VPS13B: variants seen among roughly 807,000 people sequenced by gnomAD.
VPS13B encodes vacuolar protein sorting 13 homolog B, also known as intermembrane lipid transfer protein VPS13B.
A neutral mutation model predicts 426.4 loss-of-function variants in VPS13B; 285 were observed. The ratio of observed to expected loss-of-function variants is 0.67; its 90% CI spans 0.61 to 0.74. The LOEUF (loss-of-function observed/expected upper bound fraction) is 0.74, where lower values mean the gene tolerates loss of function less well. Ranked by LOEUF, VPS13B falls within the 30% of genes least tolerant of loss-of-function variation. The pLI, the probability that VPS13B is intolerant of heterozygous loss-of-function variation, is 0.00. For synonymous variants in VPS13B, 1,676 were observed against 1,676.4 expected (o/e 1.00, Z 0.01); for missense variants, 4,537 against 4,782.6 (o/e 0.95, Z 1.51).
intron 51 of VPS13B, among the ~76,000 whole-genome samples, chr8:99,831,076 CT>C (rs773817774): frequency 1.5e-3 from 174 of 119,980 alleles, no homozygotes; most frequent in Admixed American, 1.3e-3. Flanking sequence ...GTGTTTTTTT[CT>C]TTTTTTTTTT....
rs1393654667 is a variant in VPS13B, at chr8:99,856,402, T to C, written c.10867+2146T>C. Among the ~76,000 whole-genome samples, 4 of 152,170 alleles carry C rather than the reference T, an allele frequency of 2.6e-5. No homozygotes were observed. In the East Asian group the frequency reaches 7.7e-4, roughly 29 times the overall value. On this transcript the variant is annotated intron_variant, in intron 56 of 61. Transcript: ENST00000357162. ...CTCCAGACTCCCAGGTTAGCATCCTTGTCGAGGGAAGGGAGAGAGCTGGCT... is the reference window on the plus strand; with the variant it reads ...CTCCAGACTCCCAGGTTAGCATCCTCGTCGAGGGAAGGGAGAGAGCTGGCT...
chr8:99,028,813 C>T (rs1419055694), intron 2 of VPS13B, among the ~76,000 whole-genome samples: 8 of 94,138 alleles, frequency 8.5e-5, no homozygotes, highest in Non-Finnish European at 1.1e-4. Context: ...GAGCCCCTCA[C>T]CTCCCAGATG....
At chr8:99,040,378 C>A (rs1842919260) in intron 3 of VPS13B, among the ~76,000 whole-genome samples, 1 of 152,212 alleles carries the variant, frequency 6.6e-6, no homozygotes, top group South Asian at 2.1e-4. Context: ...TGAATGTAAA[C>A]CACTCTCAAA....
chr8:99,779,974 A>G (rs1811932266), intron 42 of VPS13B, among the ~76,000 whole-genome samples: 1 of 152,196 alleles, frequency 6.6e-6, no homozygotes, highest in South Asian at 2.1e-4. Context: ...TCTCTAACTT[A>G]AGAATTTGTA....
At chr8:99,706,784 G>A (rs1420191839) in intron 36 of VPS13B, among the ~76,000 whole-genome samples, 2 of 152,060 alleles carry the variant, frequency 1.3e-5, no homozygotes, top group African/African-American at 2.4e-5. Flanking sequence ...CCCCTATTAG[G>A]TTAGTATTAA....
Position 99,628,047 on chromosome 8 carries a change from A to G in VPS13B, c.5221-13764A>G, listed in dbSNP as rs1490404894. 2.0e-5 allele frequency among the ~76,000 whole-genome samples: 3 copies of G among 152,214 alleles called. No homozygotes were observed. In the East Asian group the frequency reaches 5.8e-4, roughly 29 times the overall value. On this transcript the variant is annotated intron_variant, in intron 33 of 61. Coordinates refer to ENST00000357162, the MANE Select transcript of VPS13B (RefSeq NM_152564.5). ...GAACCTCCTCCAGCTCTAACAAGTCATGATTCTGATGCATTGAATTTAGAA... is the reference window on the plus strand; with the variant it reads ...GAACCTCCTCCAGCTCTAACAAGTCGTGATTCTGATGCATTGAATTTAGAA...
intron 2 of VPS13B, among the ~76,000 whole-genome samples, chr8:99,029,588 A>G (rs1283940683): frequency 1.3e-5 from 2 of 152,080 alleles, no homozygotes; most frequent in Non-Finnish European, 2.9e-5. Flanking sequence ...CCCGGCCAAC[A>G]CAGCAAAACC....
intron 3 of VPS13B, among the ~76,000 whole-genome samples, chr8:99,050,824 A>G (rs1012335081): frequency 1.3e-5 from 2 of 152,138 alleles, no homozygotes; most frequent in Non-Finnish European, 2.9e-5. Context: ...TGGCTGCATT[A>G]ATGTCTTCTT....
rs1209352109 is a variant in VPS13B at position 99,083,899 on chromosome 8, G to A, written c.292-12413G>A. ...GATTTTTGCATAGATGTTCATCAGG[G>A]ATATTGGTCTAAAATTGTCTTTTTG... On this transcript the variant is annotated intron_variant, in intron 3 of 61. Transcript: ENST00000357162. 2.7e-5 allele frequency among the ~76,000 whole-genome samples: 4 copies of A among 147,728 alleles called. No individual in the cohort carries two copies. The Admixed American group carries it at 2.8e-4, about 10-fold the overall frequency.
intron 57 of VPS13B, among the ~76,000 whole-genome samples, chr8:99,860,550 T>C (rs993454328): frequency 1.3e-5 from 2 of 152,244 alleles, no homozygotes; most frequent in African/African-American, 2.4e-5. Flanking sequence ...TTTACACTTG[T>C]TCTTTTCTTC....
At chr8:99,426,083 C>A (rs887749181) in intron 21 of VPS13B, among the ~76,000 whole-genome samples, 2 of 131,492 alleles carry the variant, frequency 1.5e-5, no homozygotes, top group African/African-American at 5.7e-5. Context: ...CCACCACAGT[C>A]CCCAGAGTGT....
intron 21 of VPS13B, 52 bp from the exon 22 acceptor site, chr8:99,431,485 G>T: frequency 1.2e-6 from 2 of 1,603,338 alleles, no homozygotes; most frequent in Non-Finnish European, 1.7e-6. Context: ...GGTATGTTCT[G>T]TGAAATTGTA....
At chr8:99,794,829 TTAAGA>T (rs1474931007) in intron 43 of VPS13B, among the ~76,000 whole-genome samples, 1 of 151,984 alleles carries the variant, frequency 6.6e-6, no homozygotes, top group Non-Finnish European at 1.5e-5. Context: ...CTTCTCTACT[TTAAGA>T]TTTTTCTGAT....
At chr8:99,807,272 G>C (rs1279406737) in intron 43 of VPS13B, among the ~76,000 whole-genome samples, 1 of 152,234 alleles carries the variant, frequency 6.6e-6, no homozygotes, top group African/African-American at 2.4e-5. Flanking sequence ...TGTGTACACA[G>C]AGTGAGCAGC....
intron 8 of VPS13B, among the ~76,000 whole-genome samples, chr8:99,133,038 A>G (rs1384387104): frequency 6.6e-6 from 1 of 152,212 alleles, no homozygotes; most frequent in Non-Finnish European, 1.5e-5. Flanking sequence ...ATCCGCCTGT[A>G]TTTTGAAGCT....
At chr8:99,286,601 C>T (rs1039002655) in intron 19 of VPS13B, among the ~76,000 whole-genome samples, 3 of 152,088 alleles carry the variant, frequency 2.0e-5, no homozygotes, top group South Asian at 2.1e-4. Flanking sequence ...TATCAGTTAT[C>T]TATAATTTAC....
intron 19 of VPS13B, among the ~76,000 whole-genome samples, chr8:99,333,911 A>G (rs1810678811): frequency 6.6e-6 from 1 of 151,884 alleles, no homozygotes; most frequent in African/African-American, 2.4e-5. Flanking sequence ...TATTGTTTTG[A>G]ATTGCTAAAT....
intron 61 of VPS13B, chr8:99,875,005 A>AAAC (rs1305096882): frequency 7.8e-6 from 2 of 257,696 alleles, no homozygotes; most frequent in Non-Finnish European, 1.5e-5. Context: ...GGAGCTAGGC[A>AAAC]AACAGAGCTT....
chr8:99,465,850 ATT>A lies in VPS13B; in HGVS notation c.3446-1563_3446-1562del, dbSNP rs200005980. On this transcript the variant is annotated intron_variant, in intron 23 of 61. Coordinates refer to ENST00000357162, the MANE Select transcript of VPS13B (RefSeq NM_152564.5). ...GACCACATATTATTATGCAGTTATC[ATT>A]GTTTCCAGTCAAGTTATTGTGAACT... Among the ~76,000 whole-genome samples the A allele has an allele frequency of 7.2e-3, 1,097 of 152,212 alleles. 49 individuals are homozygous for A. In the East Asian group the frequency reaches 0.14, roughly 19 times the overall value.
Sources: gnomAD v4.1 joint callset for allele counts (sites outside exome capture counted in the v4.1 genomes callset) on GRCh38, gnomAD v4.1.1 for gene constraint, MANE v1.5 for transcripts, NCBI Gene and HGNC (gene_info 2026-07-23, HGNC 2026-07-21) for gene names.